The following LRRTM3 variants were observed in gnomAD, a reference collection of about 807,000 sequenced individuals.
The protein encoded by LRRTM3 is leucine-rich repeat transmembrane neuronal protein 3.
A neutral mutation model predicts 44.7 loss-of-function variants in LRRTM3; 24 were observed. The ratio of observed to expected loss-of-function variants is 0.54; its 90% CI spans 0.39 to 0.76. The LOEUF is 0.76. Among genes scored for constraint, LRRTM3 ranks in the 30% least tolerant of loss-of-function variants. The pLI is 0.00. For missense variants in LRRTM3, 587 were observed against 702.2 expected, an observed-to-expected ratio of 0.84 and a Z score of 1.85; for synonymous variants, 277 against 278.7, an observed-to-expected ratio of 0.99 and a Z score of 0.06.
At chr10:66,957,262 A>T (rs1848838589) in intron 2 of LRRTM3, among the ~76,000 whole-genome samples, 1 of 151,806 alleles carries the variant, frequency 6.6e-6, no homozygotes, top group African/African-American at 2.4e-5. Context: ...TTTTATTATC[A>T]TTTTTTCCTA....
chr10:66,991,489 T>A (rs1851034721), intron 2 of LRRTM3, among the ~76,000 whole-genome samples: 1 of 152,198 alleles, frequency 6.6e-6, no homozygotes, highest in South Asian at 2.1e-4. Context: ...AAGGGTATAT[T>A]TAAACATTAT....
At position 66,927,235 on chromosome 10, in the gene LRRTM3, G is replaced by A; in HGVS notation, c.319G>A (p.Gly107Arg). ...CAATATTGACGAAAATGCTTTTAAT[G>A]GAATACGCAGACTCAAAGAGCTGAT... ...ISNIDENAFN[G>R]IRRLKELILS... Residue 107 changes from glycine (G) to arginine (R), a missense_variant, in exon 2 of 3, where the codon GGA becomes AGA. By Grantham distance (125) the Gly-to-Arg change is moderately radical. Transcript: ENST00000361320. This position sits in a 1 kb window ranked among gnomAD's most constrained non-coding sequence, Gnocchi z 4.7. 6.2e-7 allele frequency: 1 copy of A among 1,614,094 alleles called. No individual in the cohort carries two copies. Among genetic ancestry groups the A allele is most frequent in the Non-Finnish European group, 8.5e-7 (1 of 1,180,038 alleles).
intron 2 of LRRTM3, among the ~76,000 whole-genome samples, chr10:67,083,834 T>C (rs1421632655): frequency 6.6e-6 from 1 of 152,156 alleles, no homozygotes; most frequent in Non-Finnish European, 1.5e-5. Context: ...TCTGATTTAC[T>C]TGCAAAAGCT....
chr10:67,021,936 A>G (rs1853043078), intron 2 of LRRTM3, among the ~76,000 whole-genome samples: 1 of 152,210 alleles, frequency 6.6e-6, no homozygotes, highest in Non-Finnish European at 1.5e-5. Context: ...TAGAATAGTC[A>G]GAGAATTAAA....
At position 67,087,655 on chromosome 10, in the gene LRRTM3, G is replaced by A. The variant is rs142981445; in HGVS notation, c.1537-9932G>A. ...CAGTGCCATGTGCCTCATCATTAGTGTGGATTTCTGCTCACTCATTTTAGC... is the reference window on the plus strand; with the variant it reads ...CAGTGCCATGTGCCTCATCATTAGTATGGATTTCTGCTCACTCATTTTAGC... On this transcript the variant is annotated intron_variant, in intron 2 of 2. Transcript: ENST00000361320. Among the ~76,000 whole-genome samples the A allele has an allele frequency of 1.8e-3, 277 of 152,070 alleles. 3 individuals carry two copies. Among genetic ancestry groups the A allele is most frequent in the African/African-American group, 5.8e-3 (241 of 41,530 alleles).
At chr10:66,983,529 C>A (rs540439291) in intron 2 of LRRTM3, among the ~76,000 whole-genome samples, 40 of 152,252 alleles carry the variant, frequency 2.6e-4, no homozygotes, top group Middle Eastern at 6.8e-3. Context: ...GTAGCCACTG[C>A]CATTTTCTTC....
chr10:67,018,817 T>G (rs552224224), intron 2 of LRRTM3, among the ~76,000 whole-genome samples: 1 of 152,366 alleles, frequency 6.6e-6, no homozygotes, highest in East Asian at 1.9e-4. Context: ...GTGTTGTGTA[T>G]AAATATTAGA....
chr10:66,941,437 T>C (rs1418301232), intron 2 of LRRTM3, among the ~76,000 whole-genome samples: 1 of 152,206 alleles, frequency 6.6e-6, no homozygotes, highest in Non-Finnish European at 1.5e-5. Flanking sequence ...CTCAAGGTAA[T>C]TTTAAGTAAA....
intron 2 of LRRTM3, among the ~76,000 whole-genome samples, chr10:67,093,039 T>A (rs894960191): frequency 2.0e-5 from 3 of 152,022 alleles, no homozygotes; most frequent in Non-Finnish European, 4.4e-5. Flanking sequence ...GAATTACCTT[T>A]CTTGGAAAAC....
Position 67,099,769 on chromosome 10 carries a change from G to C in LRRTM3, c.*1973G>C, listed in dbSNP as rs1858230522. The C allele has an allele frequency of 6.6e-6, 1 of 151,842 alleles. No homozygotes were observed. The highest frequency in any genetic ancestry group is 1.5e-5 in the Non-Finnish European group (1 of 67,712). The allele number at this position is 151,842 out of a possible 1,614,324, so 9.4% of individuals were successfully genotyped here. On this transcript the variant is annotated 3_prime_UTR_variant, in exon 3 of 3. Coordinates refer to ENST00000361320, the MANE Select transcript of LRRTM3 (RefSeq NM_178011.5). Reference sequence around the variant, plus strand: ...GTAACATATTTTGCATAAATTATTTGCTCTTCAAAAATTTTTGTCATTTTA... The same window carrying C: ...GTAACATATTTTGCATAAATTATTTCCTCTTCAAAAATTTTTGTCATTTTA...
In LRRTM3 at chr10:67,006,797, A is replaced by ATT. The variant is rs36043805; in HGVS notation, c.1536+78353_1536+78354dup. On this transcript the variant is annotated intron_variant, in intron 2 of 2. Coordinates refer to ENST00000361320, the MANE Select transcript of LRRTM3 (RefSeq NM_178011.5). ...TATTTCCTCAAAATTACAGTCTTAAATTTTTTTTTCTTTTGAGATGGAGTC... is the reference window on the plus strand; with the variant it reads ...TATTTCCTCAAAATTACAGTCTTAAATTTTTTTTTTTCTTTTGAGATGGAGTC... Among the ~76,000 whole-genome samples the ATT allele has an allele frequency of 1.1e-4, 17 of 151,142 alleles. 1 individual carries two copies. The highest frequency in any genetic ancestry group is 7.3e-4 in the Admixed American group (11 of 15,154).
intron 2 of LRRTM3, among the ~76,000 whole-genome samples, chr10:66,981,576 A>T (rs1408383829): frequency 6.6e-6 from 1 of 152,138 alleles, no homozygotes; most frequent in Non-Finnish European, 1.5e-5. Flanking sequence ...TTCCTTCTGT[A>T]GCTAAATCTA....
At chr10:66,983,293 A>C (rs963966261) in intron 2 of LRRTM3, among the ~76,000 whole-genome samples, 3 of 152,116 alleles carry the variant, frequency 2.0e-5, no homozygotes, top group African/African-American at 7.2e-5. Context: ...ATCAGCAAAG[A>C]ATCAGGAGCT....
At chr10:66,943,555 T>G (rs1848130752) in intron 2 of LRRTM3, among the ~76,000 whole-genome samples, 1 of 151,982 alleles carries the variant, frequency 6.6e-6, no homozygotes, top group African/African-American at 2.4e-5. Flanking sequence ...TGGCTTCCAG[T>G]TAACACTAAG....
intron 2 of LRRTM3, among the ~76,000 whole-genome samples, chr10:66,944,886 G>T (rs117945094): frequency 5.3e-5 from 8 of 152,130 alleles, no homozygotes; most frequent in African/African-American, 1.9e-4. Context: ...ACTTTGAAAG[G>T]AATCTTTTTT....
intron 2 of LRRTM3, among the ~76,000 whole-genome samples, chr10:66,978,071 C>T (rs74141747): frequency 0.011 from 100 of 8,890 alleles, no homozygotes; most frequent in Middle Eastern, 0.17. Flanking sequence ...TATATATACA[C>T]ACACACACAC....
intron 2 of LRRTM3, among the ~76,000 whole-genome samples, chr10:67,069,073 T>A (rs933423561): frequency 1.9e-4 from 28 of 151,028 alleles, no homozygotes; most frequent in African/African-American, 2.4e-5. Flanking sequence ...TATGTAAAAA[T>A]ATATATGAAA....
rs146041951 is a variant in LRRTM3, at chr10:66,930,684, T to A, written c.1536+2232T>A. Reference sequence around the variant, plus strand: ...GTATATATAAAATATGCTTGCTGTATTGAAAAGCATTCCTAAAATTCAAAG... The same window carrying A: ...GTATATATAAAATATGCTTGCTGTAATGAAAAGCATTCCTAAAATTCAAAG... On this transcript the variant is annotated intron_variant, in intron 2 of 2. Coordinates refer to ENST00000361320, the MANE Select transcript of LRRTM3 (RefSeq NM_178011.5). Among the ~76,000 whole-genome samples, 1,307 of 152,316 alleles carry A rather than the reference T, an allele frequency of 8.6e-3. 20 individuals carry two copies. Among genetic ancestry groups the A allele is most frequent in the African/African-American group, 0.03 (1,229 of 41,578 alleles).
chr10:66,985,673 C>G (rs1850688052), intron 2 of LRRTM3, among the ~76,000 whole-genome samples: 1 of 152,088 alleles, frequency 6.6e-6, no homozygotes, highest in Non-Finnish European at 1.5e-5. Flanking sequence ...TCATCAAGAA[C>G]CCAATCCCAT....
Sources: allele counts gnomAD v4.1 joint callset (sites outside exome capture counted in the v4.1 genomes callset), GRCh38; gene constraint gnomAD v4.1.1; non-coding constraint Gnocchi (gnomAD v3.1); transcripts MANE v1.5; gene names NCBI Gene and HGNC (gene_info 2026-07-23, HGNC 2026-07-21).